GRIA4: variants seen among roughly 807,000 people sequenced by gnomAD.
GRIA4 encodes the protein glutamate receptor 4.
GRIA4 carries 34 observed loss-of-function variants against 104.0 expected under a neutral mutation model. The observed-to-expected ratio is 0.33, with a 90% CI of 0.25 to 0.44. The LOEUF is 0.44. Ranked by LOEUF, GRIA4 falls within the 20% of genes least tolerant of loss-of-function variation. The pLI, the probability that GRIA4 is intolerant of heterozygous loss-of-function variation, is 1.00. For missense variants in GRIA4, 750 were observed against 1,096.5 expected, an observed-to-expected ratio of 0.68 and a Z score of 4.46; for synonymous variants, 386 against 381.9, an observed-to-expected ratio of 1.01 and a Z score of -0.13.
Position 105,612,446 on chromosome 11 carries a change from A to T in GRIA4, c.247+12A>T. On this transcript the variant is annotated intron_variant, in intron 3 of 16. Transcript: ENST00000282499. ...TGTAACAAACGCCTGTAAGTAAAAC[A>T]TAAGCTATGAAAAATTAGAAGAGAA... The T allele has an allele frequency of 1.2e-6, 2 of 1,610,718 alleles. No homozygotes were observed. The highest frequency in any genetic ancestry group is 1.7e-6 in the Non-Finnish European group (2 of 1,177,718).
At chr11:105,806,178 A>T (rs1942945419) in intron 4 of GRIA4, among the ~76,000 whole-genome samples, 1 of 151,908 alleles carries the variant, frequency 6.6e-6, no homozygotes, top group Non-Finnish European at 1.5e-5. Flanking sequence ...TTTCTCCAAT[A>T]TCCTACAAAA....
chr11:105,839,069 G>A (rs1944293983), intron 4 of GRIA4, among the ~76,000 whole-genome samples: 1 of 151,914 alleles, frequency 6.6e-6, no homozygotes, highest in Admixed American at 6.6e-5. Context: ...ATCCATGCAT[G>A]CACCGGCCCC....
chr11:105,752,314 C>CAACTGCCTAAA (rs1940047449), intron 3 of GRIA4, among the ~76,000 whole-genome samples: 1 of 152,088 alleles, frequency 6.6e-6, no homozygotes, highest in African/African-American at 2.4e-5. Context: ...GGCCCGCCTA[C>CAACTGCCTAAA]AACATGCGCA....
chr11:105,824,143 G>A (rs1943678692), intron 4 of GRIA4, among the ~76,000 whole-genome samples: 1 of 152,020 alleles, frequency 6.6e-6, no homozygotes, highest in Non-Finnish European at 1.5e-5. Context: ...AGTCATCCAG[G>A]CTGTGGTGTT....
At chr11:105,934,098 A>G (rs1947961527) in intron 14 of GRIA4, 129 bp downstream of exon 14, 2 of 802,352 alleles carry the variant, frequency 2.5e-6, no homozygotes, top group South Asian at 2.0e-5. Context: ...CTTTTTCTCC[A>G]TTTCATATAT....
intron 3 of GRIA4, among the ~76,000 whole-genome samples, chr11:105,642,719 G>A (rs1009805875): frequency 5.3e-5 from 8 of 152,076 alleles, no homozygotes; most frequent in Admixed American, 2.0e-4. Context: ...GCTTGATATT[G>A]TTGAATCAAG....
chr11:105,778,285 G>A, intron 4 of GRIA4, among the ~76,000 whole-genome samples: 1 of 152,158 alleles, frequency 6.6e-6, no homozygotes, highest in South Asian at 2.1e-4. Context: ...TAAATACAGG[G>A]ATTCAGTTAA....
At chr11:105,664,245 G>A (rs931722133) in intron 3 of GRIA4, among the ~76,000 whole-genome samples, 3 of 149,954 alleles carry the variant, frequency 2.0e-5, no homozygotes, top group South Asian at 2.1e-4. Context: ...TATAAATGAC[G>A]GGGCACTGGA....
intron 10 of GRIA4, chr11:105,911,787 T>TATATATATATATATATATATATATATAC (rs1455082501): frequency 6.0e-6 from 1 of 167,804 alleles, no homozygotes; most frequent in African/African-American, 3.0e-5. Context: ...TATATATATA[T>TATATATATATATATATATATATATATAC]ATATATATAT....
chr11:105,933,259 A>T (rs1947935545), intron 13 of GRIA4, among the ~76,000 whole-genome samples: 1 of 152,128 alleles, frequency 6.6e-6, no homozygotes, highest in Non-Finnish European at 1.5e-5. Context: ...CTCTAAAAAA[A>T]AATAAAATAA....
At chr11:105,747,022 T>C (rs760859942) in intron 3 of GRIA4, among the ~76,000 whole-genome samples, 2 of 152,084 alleles carry the variant, frequency 1.3e-5, no homozygotes, top group Admixed American at 6.6e-5. Context: ...TTCCCTTGAG[T>C]TCTGCATAAA....
At chr11:105,854,926 C>T (rs998323440) in intron 4 of GRIA4, among the ~76,000 whole-genome samples, 1 of 152,150 alleles carries the variant, frequency 6.6e-6, no homozygotes, top group Admixed American at 6.6e-5. Flanking sequence ...GTTTTTATTT[C>T]TTCACCTTTA....
At chr11:105,790,047 AT>A (rs1170789008) in intron 4 of GRIA4, among the ~76,000 whole-genome samples, 2 of 152,004 alleles carry the variant, frequency 1.3e-5, no homozygotes, top group Non-Finnish European at 2.9e-5. Context: ...AAAATGCAGA[AT>A]TTTTTTTCTA....
intron 14 of GRIA4, among the ~76,000 whole-genome samples, chr11:105,958,975 G>T (rs1407670212): frequency 6.6e-6 from 1 of 152,150 alleles, no homozygotes; most frequent in Non-Finnish European, 1.5e-5. Flanking sequence ...TTGCTGAGAG[G>T]TCTGCTATTA....
rs545687784 is a variant in GRIA4 at position 105,799,400 on chromosome 11, G to A, written c.487+46180G>A. ...AGTAGTTTCGATGTCAAGAGGATGG[G>A]AATGAGTCAGTTGCTGGAGGGAAAA... is the stretch of plus-strand genomic sequence containing the variant. On this transcript the variant is annotated intron_variant, in intron 4 of 16. Transcript: ENST00000282499. 3.0e-3 allele frequency among the ~76,000 whole-genome samples: 450 copies of A among 152,234 alleles called. 1 individual carries two copies. The highest frequency in any genetic ancestry group is 0.024 in the Middle Eastern group (7 of 294).
intron 3 of GRIA4, among the ~76,000 whole-genome samples, chr11:105,691,867 G>A (rs907712336): frequency 1.3e-5 from 2 of 148,742 alleles, no homozygotes; most frequent in African/African-American, 2.5e-5. Context: ...CCAGGGAGGC[G>A]GAGGTTGCAG....
chr11:105,896,706 G>T (rs1021068823), intron 6 of GRIA4, among the ~76,000 whole-genome samples: 1 of 152,110 alleles, frequency 6.6e-6, no homozygotes, highest in Non-Finnish European at 1.5e-5. Flanking sequence ...CATTGTCAAA[G>T]ATCAGTTGGT....
intron 4 of GRIA4, among the ~76,000 whole-genome samples, chr11:105,779,690 A>G (rs1415585554): frequency 6.6e-6 from 1 of 152,074 alleles, no homozygotes; most frequent in African/African-American, 2.4e-5. Context: ...ACCAAAAAAG[A>G]GCCTGCATTG....
chr11:105,759,876 T>C (rs956639242), intron 4 of GRIA4, among the ~76,000 whole-genome samples: 2 of 152,140 alleles, frequency 1.3e-5, no homozygotes, highest in African/African-American at 4.8e-5. Context: ...ATTTGTTTAA[T>C]TATGTCTTCA....
Sources: allele counts gnomAD v4.1 joint callset (sites outside exome capture counted in the v4.1 genomes callset), GRCh38; gene constraint gnomAD v4.1.1; transcripts MANE v1.5; gene names NCBI Gene and HGNC (gene_info 2026-07-23, HGNC 2026-07-21).